The following PLEKHG4B variants were observed in gnomAD, a reference collection of about 807,000 sequenced individuals.
PLEKHG4B encodes the protein pleckstrin homology domain-containing family G member 4B.
In PLEKHG4B, 111 loss-of-function variants were observed where a neutral mutation model predicts 121.3. The observed-to-expected ratio is 0.92, with a 90% CI of 0.78 to 1.07. The LOEUF is 1.07. PLEKHG4B is among the 50% of genes least tolerant of loss of function. The pLI, the probability that PLEKHG4B is intolerant of heterozygous loss-of-function variation, is 0.00. For synonymous variants in PLEKHG4B, 738 were observed against 725.0 expected (o/e 1.02, Z -0.29); for missense variants, 1,831 against 1,757.8 (o/e 1.04, Z -0.74).
Position 162,841 on chromosome 5 carries a change from A to AG in PLEKHG4B, c.2771dup (p.Val925CysfsTer36), listed in dbSNP as rs760930988. On this transcript the variant is annotated frameshift_variant, in exon 13 of 20. Transcript: ENST00000637938. LOFTEE classifies it high-confidence loss of function. Reference sequence around the variant, plus strand: ...TGGCTGCAGAGGCCTTCCCCGGGGCAGGTGTGGCAGTGCTGAAGCCTCATG... The same window carrying AG: ...TGGCTGCAGAGGCCTTCCCCGGGGCAGGGTGTGGCAGTGCTGAAGCCTCATG... The AG allele has an allele frequency of 1.3e-6, 2 of 1,511,698 alleles. No homozygotes were observed. Among genetic ancestry groups the AG allele is most frequent in the South Asian group, 1.3e-5 (1 of 75,472 alleles). The allele number at this position is 1,511,698 out of a possible 1,614,324, so 93.6% of individuals were successfully genotyped here. A position where few individuals can be genotyped will look rare whatever the true frequency, so the allele number is the denominator to read the frequency against.
rs999654931 is a variant in PLEKHG4B at position 169,125 on chromosome 5, C to T, written c.3477-215C>T. The T allele has an allele frequency of 1.8e-5, 11 of 595,592 alleles. No homozygotes were observed. In the South Asian group the frequency reaches 2.3e-4, roughly 12 times the overall value. 36.9% of individuals were successfully genotyped at this position (595,592 alleles called of 1,614,324 possible). A position where few individuals can be genotyped will look rare whatever the true frequency, so the allele number is the denominator to read the frequency against. On this transcript the variant is annotated intron_variant, in intron 13 of 19. Coordinates refer to ENST00000637938, the MANE Select transcript of PLEKHG4B (RefSeq NM_052909.5). ...TCTTGACCTCGTGATCTACCCGCCT[C>T]AGCCTCCCAAAGTCCTGGGATTACA...
intron 2 of PLEKHG4B, among the ~76,000 whole-genome samples, chr5:124,141 A>G (rs189510013): frequency 5.8e-4 from 88 of 152,104 alleles, no homozygotes; most frequent in Non-Finnish European, 9.1e-4. Context: ...CAATTTTGTG[A>G]ATTTTTCAGT....
intron 11 of PLEKHG4B, among the ~76,000 whole-genome samples, chr5:160,072 A>G (rs1232729489): frequency 6.6e-6 from 1 of 152,242 alleles, no homozygotes; most frequent in African/African-American, 2.4e-5. Flanking sequence ...CCTGCTATGT[A>G]TAGGTGCACG....
intron 1 of PLEKHG4B, among the ~76,000 whole-genome samples, chr5:105,687 C>G (rs911194159): frequency 2.0e-5 from 3 of 152,250 alleles, no homozygotes; most frequent in African/African-American, 7.2e-5. Context: ...GCAAAGCCAG[C>G]AGACCCTTGG....
In PLEKHG4B at chr5:154,987, G is replaced by C; in HGVS notation, c.2105G>C (p.Arg702Pro). The C allele has an allele frequency of 6.2e-7, 1 of 1,611,684 alleles. No homozygotes were observed. Among genetic ancestry groups the C allele is most frequent in the Non-Finnish European group, 8.5e-7 (1 of 1,179,370 alleles). ...PYSHGDWICFRQRLEHFAANC... is the reference protein window; with the variant it reads ...PYSHGDWICFPQRLEHFAANC... The stretch of plus-strand genomic sequence containing the variant: ...AGCCATGGTGACTGGATCTGCTTCC[G>C]TCAGGTAGGTTCAGCCTGCAGCTGC... Residue 702 changes from arginine (R) to proline (P), a missense_variant, in exon 8 of 20, where the codon CGT becomes CCT. Physicochemically the swap from Arg to Pro is moderately radical, Grantham distance 103. Transcript: ENST00000637938.
intron 18 of PLEKHG4B, among the ~76,000 whole-genome samples, chr5:176,497 G>T (rs539868343): frequency 2.0e-5 from 3 of 152,344 alleles, no homozygotes; most frequent in South Asian, 2.1e-4. Flanking sequence ...AAGGGACGGG[G>T]TCCGTGCTCG....
In PLEKHG4B at chr5:140,098, G is replaced by A. The variant is rs563124958; in HGVS notation, c.859G>A (p.Asp287Asn). The A allele has an allele frequency of 4.8e-4, 236 of 489,028 alleles. No individual in the cohort carries two copies. The East Asian group carries it at 7.7e-3, about 16-fold the overall frequency. The allele number at this position is 489,028 out of a possible 1,614,324, so 30.3% of individuals were successfully genotyped here. Reference protein sequence around the residue: ...PRTLSGSSDRDFEKVSPSEQG... With the variant: ...PRTLSGSSDRNFEKVSPSEQG... ...GACCCTGTCTGGAAGCTCAGACAGG[G>A]ACTTCGAAAAGGTCAGCCCCTCAGA... The change falls in exon 3 of 20, where the codon GAC becomes AAC. Residue 287 changes from aspartate to asparagine, a missense_variant. Coordinates refer to ENST00000637938, the MANE Select transcript of PLEKHG4B (RefSeq NM_052909.5).
Position 154,903 on chromosome 5 carries a change from T to C in PLEKHG4B, c.2021T>C (p.Val674Ala), listed in dbSNP as rs1157028314. Residue 674 changes from valine to alanine, a missense_variant, in exon 8 of 20, where the codon GTG becomes GCG. Coordinates refer to ENST00000637938, the MANE Select transcript of PLEKHG4B (RefSeq NM_052909.5). Reference sequence around the variant, plus strand: ...GAGGTCGTGAGCTCCCTGAAGGCCGTGCACAAATTTGTTGACAGCTGCCAG... The same window carrying C: ...GAGGTCGTGAGCTCCCTGAAGGCCGCGCACAAATTTGTTGACAGCTGCCAG... ...QCEVVSSLKA[V>A]HKFVDSCQLT... 6.2e-7 allele frequency: 1 copy of C among 1,613,954 alleles called. No homozygotes were observed. The highest frequency in any genetic ancestry group is 1.7e-5 in the Admixed American group (1 of 60,014).
At chr5:143,548 C>CA in intron 5 of PLEKHG4B, 45 bp downstream of exon 5, 1 of 1,599,784 alleles carries the variant, frequency 6.3e-7, no homozygotes, top group South Asian at 1.1e-5. Context: ...CATGGGACCC[C>CA]AGCTGCATGT....
intron 14 of PLEKHG4B, 65 bp downstream of exon 14, chr5:169,657 GGGCCTAC>G: frequency 1.3e-6 from 2 of 1,582,490 alleles, no homozygotes; most frequent in Non-Finnish European, 1.7e-6. Context: ...CAGAGAGGCG[GGGCCTAC>G]AGGGCCCACG....
chr5:112,680 A>G (rs934234789), intron 1 of PLEKHG4B, among the ~76,000 whole-genome samples: 2 of 152,214 alleles, frequency 1.3e-5, no homozygotes, highest in African/African-American at 2.4e-5. Context: ...GGTTTTCACC[A>G]TCAGTACTGT....
intron 6 of PLEKHG4B, among the ~76,000 whole-genome samples, chr5:151,264 CTT>C (rs1735594092): frequency 6.6e-6 from 1 of 152,256 alleles, no homozygotes; most frequent in Admixed American, 6.5e-5. Context: ...TTCATCAAAA[CTT>C]ATAGAACTAT....
At chr5:164,222 G>T (rs1224924726) in intron 13 of PLEKHG4B, among the ~76,000 whole-genome samples, 1 of 152,268 alleles carries the variant, frequency 6.6e-6, no homozygotes, top group Non-Finnish European at 1.5e-5. Context: ...TTTTTCCACA[G>T]ACCGCAGGGG....
At chr5:154,590 C>T (rs954656149) in intron 7 of PLEKHG4B, among the ~76,000 whole-genome samples, 38 of 149,554 alleles carry the variant, frequency 2.5e-4, no homozygotes, top group Admixed American at 2.3e-3. Flanking sequence ...GGAGAAGAGC[C>T]TTGACTCATT....
chr5:154,206 G>A (rs754403882), intron 7 of PLEKHG4B, among the ~76,000 whole-genome samples: 42 of 151,710 alleles, frequency 2.8e-4, no homozygotes, highest in Admixed American at 1.6e-3. Context: ...GGGTTTTACC[G>A]TGTTGGCCAG....
At chr5:134,593 T>C (rs1734892489) in intron 2 of PLEKHG4B, among the ~76,000 whole-genome samples, 1 of 151,042 alleles carries the variant, frequency 6.6e-6, no homozygotes, top group South Asian at 2.1e-4. Context: ...TAGTGAAACC[T>C]TCTCTCTACT....
At chr5:168,457 C>T (rs897378935) in intron 13 of PLEKHG4B, among the ~76,000 whole-genome samples, 2 of 152,160 alleles carry the variant, frequency 1.3e-5, no homozygotes, top group African/African-American at 2.4e-5. Context: ...GAAGCTGACC[C>T]TCGAGAAAAC....
rs200099612 is a variant in PLEKHG4B at position 161,962 on chromosome 5, C to T, written c.2649+18C>T. The T allele has an allele frequency of 1.8e-4, 286 of 1,594,786 alleles. 1 individual carries two copies. The highest frequency in any genetic ancestry group is 1.0e-3 in the East Asian group (46 of 44,642). On this transcript the variant is annotated intron_variant, in intron 12 of 19. Coordinates refer to ENST00000637938, the MANE Select transcript of PLEKHG4B (RefSeq NM_052909.5). ...GCGAGACGGTAAGAGACCCAGTGGG[C>T]GTGCGTCCCAGGGATCCCGGCTCCT... is the stretch of plus-strand genomic sequence containing the variant.
chr5:182,218 C>G lies in PLEKHG4B; in HGVS notation c.4779C>G (p.Ala1593=), dbSNP rs752472041. 3.7e-6 allele frequency: 6 copies of G among 1,613,858 alleles called. No homozygotes were observed. The highest frequency in any genetic ancestry group is 5.1e-6 in the Non-Finnish European group (6 of 1,180,046). The part of the protein sequence containing the change: ...AHSPWSSDIR[A]CVEEDEPEPE... ...GCCCCTGGTCATCTGATATCAGAGC[C>G]TGCGTCGAGGAAGATGAGCCAGAGC... Residue 1593 remains alanine, a synonymous_variant, in exon 20 of 20, where the codon GCC becomes GCG. Transcript: ENST00000637938.
Sources: gnomAD v4.1 joint callset for allele counts (sites outside exome capture counted in the v4.1 genomes callset) on GRCh38, gnomAD v4.1.1 for gene constraint, MANE v1.5 for transcripts, NCBI Gene and HGNC (gene_info 2026-07-23, HGNC 2026-07-21) for gene names.